The following SEMA3F variants were observed in gnomAD, a reference collection of about 807,000 sequenced individuals.
The protein encoded by SEMA3F is semaphorin 3F, also known as semaphorin-3F.
A neutral mutation model predicts 98.5 loss-of-function variants in SEMA3F; 30 were observed. That is an observed-to-expected ratio of 0.30 (90% CI 0.23 to 0.41). SEMA3F has a LOEUF of 0.41. Among genes scored for constraint, SEMA3F ranks in the 10% least tolerant of loss-of-function variants. SEMA3F has a pLI of 1.00. For synonymous variants in SEMA3F, 380 were observed against 444.8 expected (o/e 0.85, Z 1.83); for missense variants, 866 against 1,119.3 (o/e 0.77, Z 3.23).
intron 7 of SEMA3F, among the ~76,000 whole-genome samples, chr3:50,179,073 T>C (rs1378692802): frequency 6.6e-6 from 1 of 152,074 alleles, no homozygotes; most frequent in Non-Finnish European, 1.5e-5. Context: ...TCCACCTGTC[T>C]TGGCCTCCCA....
rs1697944453 is a variant in SEMA3F, at chr3:50,155,586, A to T, written c.-49+22A>T. On this transcript the variant is annotated intron_variant, in intron 1 of 18. Coordinates refer to ENST00000002829, the MANE Select transcript of SEMA3F (RefSeq NM_004186.5). This position sits in a 1 kb window ranked among gnomAD's most constrained non-coding sequence, Gnocchi z 4.9. ...AGAGGTGAGTGCAGCGGGAACCGGG[A>T]GGGAGCGGGCAGGCGGCCGGGCCAC... The T allele has an allele frequency of 6.8e-6, 2 of 295,038 alleles. No individual in the cohort carries two copies. Among genetic ancestry groups the T allele is most frequent in the Non-Finnish European group, 1.3e-5 (2 of 159,596 alleles). The allele number at this position is 295,038 out of a possible 1,614,324, so 18.3% of individuals were successfully genotyped here.
At position 50,155,614 on chromosome 3, in the gene SEMA3F, C is replaced by G; in HGVS notation, c.-49+50C>G. The G allele has an allele frequency of 7.7e-6, 2 of 258,676 alleles. No homozygotes were observed. The highest frequency in any genetic ancestry group is 1.5e-5 in the Non-Finnish European group (2 of 136,584). 16.0% of individuals were successfully genotyped at this position (258,676 alleles called of 1,614,324 possible). On this transcript the variant is annotated intron_variant, in intron 1 of 18. Transcript: ENST00000002829. The surrounding 1 kb of genome is among the most constrained non-coding windows in gnomAD (Gnocchi z 4.9). ...GAGCGGGCAGGCGGCCGGGCCACCC[C>G]GCGACCCCTCTGGGACCCGCGGCAC... is the stretch of plus-strand genomic sequence containing the variant.
chr3:50,185,272 C>A (rs190294285), intron 13 of SEMA3F, among the ~76,000 whole-genome samples, 171 bp from the exon 14 acceptor site: 1 of 152,200 alleles, frequency 6.6e-6, no homozygotes, highest in Non-Finnish European at 1.5e-5. Flanking sequence ...GCCATGACCC[C>A]CTATGTCCTG....
In SEMA3F at chr3:50,188,178, T is replaced by G. The variant is rs983888106; in HGVS notation, c.*63T>G. The G allele has an allele frequency of 7.0e-5, 29 of 412,764 alleles. No homozygotes were observed. Among genetic ancestry groups the G allele is most frequent in the Middle Eastern group, 7.8e-4 (1 of 1,290 alleles). The allele number at this position is 412,764 out of a possible 1,614,324, so 25.6% of individuals were successfully genotyped here. Reference sequence around the variant, plus strand: ...CTTGTCCCTTTTAATATAAAAGATATATATATATATATATATATATAAAAT... The same window carrying G: ...CTTGTCCCTTTTAATATAAAAGATAGATATATATATATATATATATAAAAT... On this transcript the variant is annotated 3_prime_UTR_variant, in exon 19 of 19. Transcript: ENST00000002829. This position sits in a 1 kb window ranked among gnomAD's most constrained non-coding sequence, Gnocchi z 4.5.
Position 50,182,301 on chromosome 3 carries a change from G to A in SEMA3F, c.661G>A (p.Gly221Ser). 6.2e-7 allele frequency: 1 copy of A among 1,614,084 alleles called. No homozygotes were observed. The highest frequency in any genetic ancestry group is 1.1e-5 in the South Asian group (1 of 91,080). ...SALINEELYA[G>S]VYIDFMGTDA... ...ACCCACAGATGAGGAGCTCTATGCT[G>A]GTGTGTACATCGATTTTATGGGCAC... The change falls in exon 8 of 19, where the codon GGT (glycine) becomes AGT (serine). Residue 221 changes from glycine to serine, a missense_variant. By Grantham distance (56) the Gly-to-Ser change is moderately conservative. Around this residue, in one of 3 missense-constraint regions of SEMA3F, gnomAD observed 374 missense variants for 582.8 expected, o/e 0.64. Transcript: ENST00000002829. This position sits in a 1 kb window ranked among gnomAD's most constrained non-coding sequence, Gnocchi z 4.5.
chr3:50,185,829 T>A (rs1559739311), intron 15 of SEMA3F, 60 bp from the exon 16 acceptor site: 11 of 1,604,890 alleles, frequency 6.9e-6, no homozygotes, highest in Admixed American at 1.7e-5. Flanking sequence ...CCAGCCTAGC[T>A]GGCTGTTGGT....
At chr3:50,172,230 A>G (rs906956345) in intron 2 of SEMA3F, among the ~76,000 whole-genome samples, 6 of 152,190 alleles carry the variant, frequency 3.9e-5, no homozygotes, top group Admixed American at 2.0e-4. Context: ...TGTGTGCGCC[A>G]TGTGCATGCC....
rs1575366309 is a variant in SEMA3F, at chr3:50,156,109, T to G, written c.-49+545T>G. On this transcript the variant is annotated intron_variant, in intron 1 of 18. Coordinates refer to ENST00000002829, the MANE Select transcript of SEMA3F (RefSeq NM_004186.5). The surrounding 1 kb of genome is among the most constrained non-coding windows in gnomAD (Gnocchi z 4.5). ...TTTCTCCCAGCATTGTGCCAGCCCC[T>G]TGACCCCCAGCTGCCACCTTGGGTT... 1 of 152,538 alleles carries G rather than the reference T, an allele frequency of 6.6e-6. No individual in the cohort carries two copies. Among genetic ancestry groups the G allele is most frequent in the East Asian group, 1.9e-4 (1 of 5,184 alleles). The allele number at this position is 152,538 out of a possible 1,614,324, so 9.4% of individuals were successfully genotyped here. A position where few individuals can be genotyped will look rare whatever the true frequency, so the allele number is the denominator to read the frequency against.
chr3:50,186,960 A>G (rs947541198), intron 18 of SEMA3F, among the ~76,000 whole-genome samples: 1 of 152,230 alleles, frequency 6.6e-6, no homozygotes, highest in Admixed American at 6.5e-5. Context: ...GCCTGTTCAC[A>G]TGAAAATTCC....
intron 6 of SEMA3F, among the ~76,000 whole-genome samples, chr3:50,175,735 A>G (rs917697110): frequency 6.6e-6 from 1 of 151,410 alleles, no homozygotes; most frequent in Non-Finnish European, 1.5e-5. Flanking sequence ...GCAGGGGGGC[A>G]GGGGCTGCCG....
chr3:50,186,100 T>C, intron 16 of SEMA3F, 54 bp downstream of exon 16: 1 of 1,552,830 alleles, frequency 6.4e-7, no homozygotes, highest in Non-Finnish European at 8.8e-7. Flanking sequence ...GGCCCTATCC[T>C]AGGGGATTGG....
chr3:50,188,085 G>T lies in SEMA3F; in HGVS notation c.2328G>T (p.Arg776=). 1 of 1,544,464 alleles carries T rather than the reference G, an allele frequency of 6.5e-7. No individual in the cohort carries two copies. Among genetic ancestry groups the T allele is most frequent in the Non-Finnish European group, 8.8e-7 (1 of 1,142,772 alleles). Residue 776 remains arginine, a synonymous_variant, in exon 19 of 19, where the codon CGG becomes CGT. Coordinates refer to ENST00000002829, the MANE Select transcript of SEMA3F (RefSeq NM_004186.5). The surrounding 1 kb of genome is among the most constrained non-coding windows in gnomAD (Gnocchi z 4.5). ...AGCCCCAGGACCAGAAAAAGCCCCG[G>T]AACCGCCGGCACCACCCTCCGGACA... is the stretch of plus-strand genomic sequence containing the variant. ...SPEPQDQKKP[R]NRRHHPPDT
intron 2 of SEMA3F, among the ~76,000 whole-genome samples, chr3:50,163,531 G>A (rs1698293263): frequency 6.6e-6 from 1 of 152,250 alleles, no homozygotes; most frequent in Non-Finnish European, 1.5e-5. Context: ...GAGGTTAGAG[G>A]TTAGGAAGGG....
chr3:50,183,134 C>G, intron 10 of SEMA3F, 52 bp from the exon 11 acceptor site: 1 of 1,596,546 alleles, frequency 6.3e-7, no homozygotes, highest in Non-Finnish European at 8.6e-7. Context: ...TGGGTGGGGC[C>G]CAGGGGCTCC....
intron 5 of SEMA3F, 94 bp from the exon 6 acceptor site, chr3:50,175,002 T>C (rs1289050992): frequency 1.2e-6 from 1 of 829,822 alleles, no homozygotes; most frequent in African/African-American, 1.7e-5. Context: ...TCACGTGTGT[T>C]CCTGGCCTGT....
intron 7 of SEMA3F, among the ~76,000 whole-genome samples, chr3:50,177,289 G>A (rs756187751): frequency 6.6e-6 from 1 of 152,180 alleles, no homozygotes; most frequent in Non-Finnish European, 1.5e-5. Context: ...GGAGAGTTCC[G>A]GCCCTGTGAC....
intron 2 of SEMA3F, among the ~76,000 whole-genome samples, chr3:50,170,733 G>C (rs973020001): frequency 6.6e-6 from 1 of 152,074 alleles, no homozygotes; most frequent in Admixed American, 6.5e-5. Context: ...TCAAGCCATA[G>C]CCAAGGATCC....
In SEMA3F at chr3:50,188,965, T is replaced by A. The variant is rs530686755; in HGVS notation, c.*850T>A. ...GGGGATGGGTGTGGATGTAATTAGC[T>A]CTGGGGGGCAGTTGGGTAGATGGGT... On this transcript the variant is annotated 3_prime_UTR_variant, in exon 19 of 19. Transcript: ENST00000002829. The surrounding 1 kb of genome is among the most constrained non-coding windows in gnomAD (Gnocchi z 4.5). 6.6e-6 allele frequency: 1 copy of A among 152,208 alleles called. No homozygotes were observed. The highest frequency in any genetic ancestry group is 1.9e-4 in the East Asian group (1 of 5,162). The allele number at this position is 152,208 out of a possible 1,614,324, so 9.4% of individuals were successfully genotyped here. A position where few individuals can be genotyped will look rare whatever the true frequency, so the allele number is the denominator to read the frequency against.
chr3:50,170,120 C>G (rs886356143), intron 2 of SEMA3F, among the ~76,000 whole-genome samples: 3 of 152,158 alleles, frequency 2.0e-5, no homozygotes, highest in African/African-American at 7.2e-5. Context: ...CCCTTTTCAC[C>G]TACAGTCTGG....
Sources: gnomAD v4.1 joint callset for allele counts (sites outside exome capture counted in the v4.1 genomes callset) on GRCh38, gnomAD v4.1.1 for gene constraint, gnomAD v4.1.1 regional missense constraint, Gnocchi (gnomAD v3.1) non-coding constraint, MANE v1.5 for transcripts, NCBI Gene and HGNC (gene_info 2026-07-23, HGNC 2026-07-21) for gene names.